CLNK: variants seen among roughly 807,000 people sequenced by gnomAD.
The protein encoded by CLNK is cytokine-dependent hematopoietic cell linker.
CLNK carries 74 observed loss-of-function variants against 68.6 expected under a neutral mutation model. The ratio of observed to expected loss-of-function variants is 1.08; its 90% CI spans 0.89 to 1.31. The LOEUF is 1.31. Among genes scored for constraint, CLNK ranks in the 50% most tolerant of loss-of-function variants. CLNK has a pLI of 0.00. For synonymous variants in CLNK, 198 were observed against 172.2 expected, an observed-to-expected ratio of 1.15 and a Z score of -1.17; for missense variants, 553 against 515.3, an observed-to-expected ratio of 1.07 and a Z score of -0.71.
intron 2 of CLNK, among the ~76,000 whole-genome samples, chr4:10,655,061 A>G (rs1723911387): frequency 6.8e-6 from 1 of 146,144 alleles, no homozygotes; most frequent in Non-Finnish European, 1.5e-5. Flanking sequence ...AGATCACACC[A>G]CTGCACTCCA....
intron 17 of CLNK, among the ~76,000 whole-genome samples, chr4:10,505,896 TTATACA>T (rs1459556619): frequency 5.3e-5 from 8 of 152,250 alleles, no homozygotes; most frequent in Non-Finnish European, 1.5e-5. Context: ...TCATAGCAAC[TTATACA>T]TATAATTTAT....
chr4:10,591,085 GCA>G (rs1457835607), intron 3 of CLNK, among the ~76,000 whole-genome samples: 2 of 152,190 alleles, frequency 1.3e-5, no homozygotes, highest in Non-Finnish European at 2.9e-5. Flanking sequence ...GTTTGGAAAT[GCA>G]CAGTGTGCTC....
intron 2 of CLNK, among the ~76,000 whole-genome samples, chr4:10,636,269 C>G (rs1260290929): frequency 6.6e-6 from 1 of 152,084 alleles, no homozygotes; most frequent in Non-Finnish European, 1.5e-5. Flanking sequence ...TGACTTGTAT[C>G]TTTATAAGAT....
At chr4:10,539,780 T>A (rs532514690) in intron 11 of CLNK, among the ~76,000 whole-genome samples, 1 of 152,334 alleles carries the variant, frequency 6.6e-6, no homozygotes, top group African/African-American at 2.4e-5. Flanking sequence ...TCAAGCATGG[T>A]TATATTTCTC....
intron 1 of CLNK, among the ~76,000 whole-genome samples, chr4:10,673,999 G>A (rs748891273): frequency 4.6e-5 from 7 of 152,176 alleles, no homozygotes; most frequent in Non-Finnish European, 1.0e-4. Flanking sequence ...CAGAAATAAA[G>A]CCCATGCATA....
At chr4:10,565,066 A>C (rs1720051572) in intron 6 of CLNK, among the ~76,000 whole-genome samples, 1 of 152,126 alleles carries the variant, frequency 6.6e-6, no homozygotes, top group Non-Finnish European at 1.5e-5. Context: ...ATGCCCTTTA[A>C]AAATCTTACT....
chr4:10,491,840 G>T (rs530621527), intron 18 of CLNK, among the ~76,000 whole-genome samples: 1 of 152,126 alleles, frequency 6.6e-6, no homozygotes, highest in East Asian at 1.9e-4. Flanking sequence ...TTGTATAATG[G>T]TGAAGTTTGG....
At chr4:10,531,485 G>A (rs1323059075) in intron 12 of CLNK, 1 of 156,252 alleles carries the variant, frequency 6.4e-6, no homozygotes, top group African/African-American at 2.4e-5. Flanking sequence ...TGCCCAAGCT[G>A]GAGTACAATG....
chr4:10,565,619 C>T (rs995626266), intron 6 of CLNK, among the ~76,000 whole-genome samples: 12 of 152,102 alleles, frequency 7.9e-5, no homozygotes, highest in Non-Finnish European at 1.5e-4. Flanking sequence ...ATGCAGACCT[C>T]ATTTAACATT....
chr4:10,676,389 A>ATTTCT (rs1553866169), intron 1 of CLNK, among the ~76,000 whole-genome samples: 4 of 74,816 alleles, frequency 5.3e-5, no homozygotes, highest in Non-Finnish European at 8.4e-5. Flanking sequence ...GTTATTATAG[A>ATTTCT]TTTCTTTTTT....
At chr4:10,714,633 G>C in the CLNK span, among the ~76,000 whole-genome samples, 1 of 151,722 alleles carries the variant, frequency 6.6e-6, no homozygotes, top group Non-Finnish European at 1.5e-5. Flanking sequence ...ATATTCTGTG[G>C]TCCTTAGATC....
chr4:10,666,390 T>A (rs1400633362), intron 2 of CLNK, among the ~76,000 whole-genome samples: 1 of 152,236 alleles, frequency 6.6e-6, no homozygotes, highest in African/African-American at 2.4e-5. Flanking sequence ...AGTGCTAATT[T>A]GGGTCTGAGA....
intron 2 of CLNK, among the ~76,000 whole-genome samples, chr4:10,651,366 CCATAAAAAAGGATGAGCT>C (rs1340407750): frequency 2.0e-4 from 30 of 152,230 alleles, no homozygotes; most frequent in Admixed American, 7.2e-4. Flanking sequence ...TACTGTGCAG[CCATAAAAAAGGATGAGCT>C]CATGTCCTTT....
At position 10,540,547 on chromosome 4, in the gene CLNK, G is replaced by A. The variant is rs2108808219; in HGVS notation, c.549C>T (p.Ser183=). 6.2e-7 allele frequency: 1 copy of A among 1,613,892 alleles called. No homozygotes were observed. Among genetic ancestry groups the A allele is most frequent in the Non-Finnish European group, 8.5e-7 (1 of 1,179,836 alleles). Residue 183 remains serine (S), a synonymous_variant, in exon 11 of 19, where the codon AGC becomes AGT. Transcript: ENST00000226951. ...TGTGTCTCTGAGATAAAGGTGGCCT[G>A]CTGCTCTCCGGCTCAGGGGGCAAGG... ...YQPLPPEPES[S]RPPLSQRHTF...
At chr4:10,663,619 C>T (rs1724278570) in intron 2 of CLNK, among the ~76,000 whole-genome samples, 2 of 152,094 alleles carry the variant, frequency 1.3e-5, no homozygotes, top group Non-Finnish European at 2.9e-5. Context: ...TGCATATATA[C>T]CCATAGGTTC....
chr4:10,572,110 G>A (rs912133593), intron 4 of CLNK, among the ~76,000 whole-genome samples: 8 of 152,202 alleles, frequency 5.3e-5, no homozygotes, highest in African/African-American at 1.7e-4. Flanking sequence ...AATTGCTCCC[G>A]AAGTCTTGAG....
In CLNK at chr4:10,488,232, T is replaced by G. The variant is rs1326510865; in HGVS notation, c.*2235A>C. On this transcript the variant is annotated 3_prime_UTR_variant, in exon 19 of 19. Coordinates refer to ENST00000226951, the MANE Select transcript of CLNK (RefSeq NM_052964.4). ...AGACGATAAAATATTATTTCAAACG[T>G]ACACCTTATCAAATGCTAACCCCCA... 4 of 152,242 alleles carry G rather than the reference T, an allele frequency of 2.6e-5. No individual in the cohort carries two copies. The highest frequency in any genetic ancestry group is 5.9e-5 in the Non-Finnish European group (4 of 68,042). The allele number at this position is 152,242 out of a possible 1,614,324, so 9.4% of individuals were successfully genotyped here.
At chr4:10,732,638 G>A in the CLNK span, among the ~76,000 whole-genome samples, 1 of 151,948 alleles carries the variant, frequency 6.6e-6, no homozygotes. Flanking sequence ...TTGTAGAGGA[G>A]AGGCAGAAGA....
At chr4:10,528,781 TAAGC>T (rs1718423400) in intron 12 of CLNK, among the ~76,000 whole-genome samples, 1 of 152,228 alleles carries the variant, frequency 6.6e-6, no homozygotes. Context: ...AGGTTGTACT[TAAGC>T]AATAAGGCTA....
Sources: gnomAD v4.1 joint callset for allele counts (sites outside exome capture counted in the v4.1 genomes callset) on GRCh38, gnomAD v4.1.1 for gene constraint, MANE v1.5 for transcripts, NCBI Gene and HGNC (gene_info 2026-07-23, HGNC 2026-07-21) for gene names.